The following UBAP2 variants were observed in gnomAD, a reference collection of about 807,000 sequenced individuals.
UBAP2 encodes ubiquitin-associated protein 2.
UBAP2 carries 75 observed loss-of-function variants against 139.6 expected under a neutral mutation model. That is an observed-to-expected ratio of 0.54 (90% CI 0.45 to 0.65). UBAP2 has a LOEUF of 0.65. Among genes scored for constraint, UBAP2 ranks in the 30% least tolerant of loss-of-function variants. The probability of loss-of-function intolerance (pLI) is 0.00; values close to 1 mark genes in which losing one functional copy is unlikely to be tolerated. For synonymous variants in UBAP2, 526 were observed against 526.2 expected, an observed-to-expected ratio of 1.00 and a Z score of 0.01; for missense variants, 1,368 against 1,369.6, an observed-to-expected ratio of 1.00 and a Z score of 0.02.
rs368852145 is a variant in UBAP2 at position 33,923,481 on chromosome 9, G to T, written c.2797-3C>A. The stretch of plus-strand genomic sequence containing the variant: ...TGCTTGGCTGAGGCTGGAGGGACCT[G>T]GGGGGGCAAGCAGATGAGGTATTAG... On this transcript the variant is annotated splice_polypyrimidine_tract_variant and splice_region_variant and intron_variant, in intron 24 of 28. Coordinates refer to ENST00000379238, the MANE Select transcript of UBAP2 (RefSeq NM_001370062.2). 2.2e-5 allele frequency: 36 copies of T among 1,613,152 alleles called. No individual in the cohort carries two copies. The highest frequency in any genetic ancestry group is 1.6e-4 in the East Asian group (7 of 44,848).
chr9:34,038,417 C>A (rs530438384), intron 1 of UBAP2, among the ~76,000 whole-genome samples: 90 of 152,334 alleles, frequency 5.9e-4, no homozygotes, highest in African/African-American at 2.1e-3. Context: ...CAAGTGCCTG[C>A]GATTGCAGGC....
At chr9:34,020,037 G>A (rs978337298) in intron 1 of UBAP2, among the ~76,000 whole-genome samples, 2 of 150,758 alleles carry the variant, frequency 1.3e-5, no homozygotes, top group Non-Finnish European at 3.0e-5. Context: ...GCAGACGCCT[G>A]TAATCCCAGC....
chr9:33,968,399 C>G, intron 8 of UBAP2: 3 of 566,656 alleles, frequency 5.3e-6, no homozygotes, highest in Non-Finnish European at 1.1e-5. Flanking sequence ...GATGAGGAAG[C>G]AAGACACCAC....
rs1821794121 is a variant in UBAP2, at chr9:33,992,447, C to A, written c.289-3321G>T. 4.7e-5 allele frequency among the ~76,000 whole-genome samples: 7 copies of A among 150,318 alleles called. No individual in the cohort carries two copies. The Admixed American group carries it at 4.7e-4, about 10-fold the overall frequency. ...TGGTGGCACATGTCTGTAATCCCAGCTACTCAGAAGGCTGAGGCAGGAGAA... is the reference window on the plus strand; with the variant it reads ...TGGTGGCACATGTCTGTAATCCCAGATACTCAGAAGGCTGAGGCAGGAGAA... On this transcript the variant is annotated intron_variant, in intron 4 of 28. Transcript: ENST00000379238.
At position 34,046,948 on chromosome 9, in the gene UBAP2, T is replaced by A. The variant is rs142124694; in HGVS notation, c.-42+1877A>T. On this transcript the variant is annotated intron_variant, in intron 1 of 28. Transcript: ENST00000379238. The stretch of plus-strand genomic sequence containing the variant: ...AGGGAAGCAGAGGTGTTATTGTTGT[T>A]CCAATATAGTTCTAAAGGCAACTCC... Among the ~76,000 whole-genome samples the A allele has an allele frequency of 1.9e-3, 285 of 152,246 alleles. 2 individuals carry two copies. The highest frequency in any genetic ancestry group is 4.0e-3 in the Admixed American group (61 of 15,268).
intron 2 of UBAP2, among the ~76,000 whole-genome samples, chr9:34,004,760 G>A (rs1402036229): frequency 6.6e-6 from 1 of 151,242 alleles, no homozygotes; most frequent in Non-Finnish European, 1.5e-5. Context: ...CTCCAGCCTG[G>A]GCAAAAGAGC....
chr9:34,028,561 G>C (rs541109883), intron 1 of UBAP2, among the ~76,000 whole-genome samples: 278 of 151,506 alleles, frequency 1.8e-3, no homozygotes, highest in African/African-American at 6.6e-3. Flanking sequence ...TTGTATTTTT[G>C]GTAGAGATGG....
intron 6 of UBAP2, among the ~76,000 whole-genome samples, chr9:33,980,208 T>TG (rs1820516592): frequency 7.0e-6 from 1 of 143,588 alleles, no homozygotes; most frequent in African/African-American, 2.6e-5. Context: ...ATCCAAATCC[T>TG]GAGTGTCATT....
chr9:33,997,363 A>C (rs1471522420), intron 3 of UBAP2: 1 of 152,236 alleles, frequency 6.6e-6, no homozygotes, highest in Non-Finnish European at 1.5e-5. Context: ...TTTAACATGT[A>C]CTAGCTGAAG....
chr9:33,983,340 T>C (rs1470914435), intron 6 of UBAP2, among the ~76,000 whole-genome samples: 3 of 152,164 alleles, frequency 2.0e-5, no homozygotes, highest in African/African-American at 4.8e-5. Flanking sequence ...TAGTCAGTAG[T>C]GGGATTTCAG....
At chr9:34,047,374 G>A (rs1438970248) in intron 1 of UBAP2, among the ~76,000 whole-genome samples, 1 of 152,192 alleles carries the variant, frequency 6.6e-6, no homozygotes, top group South Asian at 2.1e-4. Flanking sequence ...CCACAGGTGA[G>A]TGTATTGAAG....
intron 2 of UBAP2, among the ~76,000 whole-genome samples, chr9:34,014,000 T>C (rs1824010187): frequency 6.6e-6 from 1 of 152,040 alleles, no homozygotes; most frequent in Non-Finnish European, 1.5e-5. Context: ...TCAATAATTT[T>C]CCTAATGCAT....
rs777572660 is a variant in UBAP2 at position 33,924,203 on chromosome 9, C to A, written c.2590+3G>T. ...CTACTCCTCATCCATTGAGCAAACT[C>A]ACCTGGATATGGATTATTAGCTAGG... On this transcript the variant is annotated splice_donor_region_variant and intron_variant, in intron 23 of 28. Coordinates refer to ENST00000379238, the MANE Select transcript of UBAP2 (RefSeq NM_001370062.2). The A allele has an allele frequency of 1.9e-6, 3 of 1,614,018 alleles. No homozygotes were observed. The highest frequency in any genetic ancestry group is 4.5e-5 in the East Asian group (2 of 44,892).
chr9:33,968,438 G>A, intron 8 of UBAP2: 2 of 560,134 alleles, frequency 3.6e-6, no homozygotes, highest in Admixed American at 1.9e-5. Context: ...CATGGCCGAG[G>A]GCATGTGCAG....
Position 33,973,216 on chromosome 9 carries a change from C to G in UBAP2, c.542G>C (p.Arg181Thr). The change falls in exon 7 of 29, where the codon AGA (arginine) becomes ACA (threonine). Residue 181 changes from arginine to threonine, a missense_variant. By Grantham distance (71) the Arg-to-Thr change is moderately conservative (BLOSUM62 -1). Transcript: ENST00000379238. ...RGRGFGRGRG[R>T]GAGRFSTQGM... Reference sequence around the variant, plus strand: ...TTGGGTTGAGAACCTTCCTGCCCCTCTCCCTCTGCCACGTCCAAATCCTTT... The same window carrying G: ...TTGGGTTGAGAACCTTCCTGCCCCTGTCCCTCTGCCACGTCCAAATCCTTT... The G allele has an allele frequency of 6.2e-7, 1 of 1,614,010 alleles. No individual in the cohort carries two copies. The highest frequency in any genetic ancestry group is 1.1e-5 in the South Asian group (1 of 91,080).
intron 2 of UBAP2, among the ~76,000 whole-genome samples, chr9:34,012,884 C>T (rs1488396237): frequency 2.7e-5 from 4 of 150,692 alleles, no homozygotes; most frequent in African/African-American, 9.8e-5. Context: ...GGCCCAGGGG[C>T]TCACACCTAT....
chr9:33,945,589 C>T (rs1825599218), intron 13 of UBAP2, among the ~76,000 whole-genome samples: 1 of 152,212 alleles, frequency 6.6e-6, no homozygotes, highest in Non-Finnish European at 1.5e-5. Context: ...ACTTGCTCCA[C>T]AAAGGCAAAC....
intron 24 of UBAP2, 128 bp downstream of exon 24, chr9:33,923,667 G>T: frequency 1.8e-6 from 2 of 1,137,914 alleles, no homozygotes; most frequent in Non-Finnish European, 2.6e-6. Context: ...AGCCTGAACA[G>T]TTTCTGAAGA....
chr9:33,927,037 C>T lies in UBAP2; in HGVS notation c.2415G>A (p.Leu805=), dbSNP rs1446375807. The change falls in exon 21 of 29, where the codon CTG becomes CTA. Residue 805 remains leucine (L), a synonymous_variant. Coordinates refer to ENST00000379238, the MANE Select transcript of UBAP2 (RefSeq NM_001370062.2). ...PNLPQGVPPL[L]HNQYLVGPGG... Reference sequence around the variant, plus strand: ...CGGGACCTACGAGGTACTGGTTGTGCAGCAGGGGAGGCACCCCCTGAGGTA... The same window carrying T: ...CGGGACCTACGAGGTACTGGTTGTGTAGCAGGGGAGGCACCCCCTGAGGTA... The T allele has an allele frequency of 6.2e-7, 1 of 1,613,936 alleles. No individual in the cohort carries two copies. Among genetic ancestry groups the T allele is most frequent in the Non-Finnish European group, 8.5e-7 (1 of 1,179,924 alleles).
Sources: allele counts gnomAD v4.1 joint callset (sites outside exome capture counted in the v4.1 genomes callset), GRCh38; gene constraint gnomAD v4.1.1; transcripts MANE v1.5; gene names NCBI Gene and HGNC (gene_info 2026-07-23, HGNC 2026-07-21).